Variants in SDK1 observed in about 807,000 individuals in gnomAD.
SDK1 encodes sidekick cell adhesion molecule 1, also known as protein sidekick-1.
In SDK1, 157 loss-of-function variants were observed where a neutral mutation model predicts 245.5. The ratio of observed to expected loss-of-function variants is 0.64; its 90% CI spans 0.56 to 0.73. The LOEUF is 0.73. SDK1 is among the 30% of genes least tolerant of loss of function. SDK1 has a pLI of 0.00. For missense variants in SDK1, 3,583 were observed against 3,002.3 expected (o/e 1.19, Z -4.52); for synonymous variants, 1,647 against 1,278.5 (o/e 1.29, Z -6.15).
chr7:3,879,569 C>T (rs1781156117), intron 5 of SDK1, among the ~76,000 whole-genome samples: 1 of 152,234 alleles, frequency 6.6e-6, no homozygotes, highest in African/African-American at 2.4e-5. Flanking sequence ...GTACCGGCTC[C>T]TGGCAGCCAG....
chr7:3,644,686 T>C (rs1046418322), intron 4 of SDK1, among the ~76,000 whole-genome samples: 2 of 145,182 alleles, frequency 1.4e-5, no homozygotes, highest in African/African-American at 5.2e-5. Context: ...GGTAGGAAGA[T>C]AGCTTGAGGC....
chr7:3,626,143 T>C (rs1782114723), intron 2 of SDK1, among the ~76,000 whole-genome samples: 1 of 151,900 alleles, frequency 6.6e-6, no homozygotes, highest in African/African-American at 2.4e-5. Flanking sequence ...TCTTGCTATG[T>C]TGCCCAGCCT....
intron 9 of SDK1, among the ~76,000 whole-genome samples, chr7:3,965,176 A>G (rs974219130): frequency 6.6e-6 from 1 of 152,178 alleles, no homozygotes; most frequent in Non-Finnish European, 1.5e-5. Context: ...CTGTGTTCCA[A>G]TAAAACTTTA....
chr7:4,176,449 G>A (rs1347508076), intron 34 of SDK1, among the ~76,000 whole-genome samples: 7 of 152,170 alleles, frequency 4.6e-5, no homozygotes, highest in African/African-American at 1.2e-4. Flanking sequence ...GGCTATAGGC[G>A]TGAGCCACTG....
chr7:3,588,873 T>A (rs1042109254), intron 1 of SDK1, among the ~76,000 whole-genome samples: 5 of 152,202 alleles, frequency 3.3e-5, no homozygotes, highest in African/African-American at 1.2e-4. Flanking sequence ...TCTGCTTTCC[T>A]TTCTCTTCAT....
chr7:4,019,043 G>A (rs548310107), intron 17 of SDK1, among the ~76,000 whole-genome samples: 20 of 152,260 alleles, frequency 1.3e-4, no homozygotes, highest in Admixed American at 1.0e-3. Context: ...GAAAACGAAT[G>A]CAGTTTCGGC....
At chr7:3,984,133 T>A (rs2128138057) in intron 13 of SDK1, among the ~76,000 whole-genome samples, 1 of 152,326 alleles carries the variant, frequency 6.6e-6, no homozygotes, top group South Asian at 2.1e-4. Flanking sequence ...TTGCTTGTGG[T>A]CTGCTGGCAG....
intron 5 of SDK1, among the ~76,000 whole-genome samples, chr7:3,917,748 T>A (rs1160803562): frequency 2.0e-5 from 3 of 152,156 alleles, no homozygotes; most frequent in Non-Finnish European, 2.9e-5. Flanking sequence ...TTCCTAGACA[T>A]GAATTTCATT....
chr7:3,653,219 G>A (rs1197331987), intron 4 of SDK1, among the ~76,000 whole-genome samples: 2 of 152,152 alleles, frequency 1.3e-5, no homozygotes, highest in Non-Finnish European at 2.9e-5. Context: ...ACATAGCTTC[G>A]TGCAGCCTCT....
rs187386939 is a variant in SDK1, at chr7:3,885,502, C to T, written c.847+63919C>T. Among the ~76,000 whole-genome samples, 72 of 152,260 alleles carry T rather than the reference C, an allele frequency of 4.7e-4. 1 individual carries two copies. Among genetic ancestry groups the T allele is most frequent in the Non-Finnish European group, 7.9e-4 (54 of 68,030 alleles). On this transcript the variant is annotated intron_variant, in intron 5 of 44. Transcript: ENST00000404826. ...GGTACACGTGTCACTTACTAAGAACCCACCATGGCTTTGTCCTATCAAGTC... is the reference window on the plus strand; with the variant it reads ...GGTACACGTGTCACTTACTAAGAACTCACCATGGCTTTGTCCTATCAAGTC...
At chr7:3,475,448 T>C (rs1366636567) in intron 1 of SDK1, among the ~76,000 whole-genome samples, 3 of 152,232 alleles carry the variant, frequency 2.0e-5, no homozygotes, top group Non-Finnish European at 4.4e-5. Flanking sequence ...GGAGCACGTC[T>C]CTCTCACTTG....
intron 5 of SDK1, among the ~76,000 whole-genome samples, chr7:3,910,559 A>G (rs1178566936): frequency 6.6e-6 from 1 of 152,134 alleles, no homozygotes; most frequent in Non-Finnish European, 1.5e-5. Context: ...CGGCGCTACC[A>G]TCCTAGTCTG....
intron 2 of SDK1, among the ~76,000 whole-genome samples, chr7:3,638,170 C>G (rs1459494392): frequency 6.6e-6 from 1 of 152,150 alleles, no homozygotes; most frequent in East Asian, 1.9e-4. Flanking sequence ...ATGAATAAGA[C>G]AGAAGTAGAT....
intron 13 of SDK1, among the ~76,000 whole-genome samples, chr7:3,981,085 A>C (rs1218271200): frequency 6.6e-6 from 1 of 152,176 alleles, no homozygotes; most frequent in African/African-American, 2.4e-5. Flanking sequence ...AAGTAAGTCT[A>C]TTGATGCAAT....
chr7:3,577,132 C>G (rs572929070), intron 1 of SDK1, among the ~76,000 whole-genome samples: 1 of 152,040 alleles, frequency 6.6e-6, no homozygotes. Context: ...CCTCTGGGCC[C>G]CATTCTAAAT....
At chr7:3,733,779 C>G (rs964857024) in intron 4 of SDK1, among the ~76,000 whole-genome samples, 2 of 152,164 alleles carry the variant, frequency 1.3e-5, no homozygotes, top group East Asian at 1.9e-4. Flanking sequence ...TGTTGCTTCA[C>G]GGCCCTTCCC....
intron 1 of SDK1, among the ~76,000 whole-genome samples, chr7:3,525,963 G>T (rs150612668): frequency 5.9e-5 from 9 of 152,254 alleles, no homozygotes; most frequent in Non-Finnish European, 1.0e-4. Flanking sequence ...GCCAGGCGCC[G>T]TGGCTCACAC....
intron 1 of SDK1, among the ~76,000 whole-genome samples, chr7:3,613,005 G>A (rs1781651169): frequency 6.6e-6 from 1 of 152,058 alleles, no homozygotes; most frequent in Admixed American, 6.6e-5. Flanking sequence ...GGAGAAAAGG[G>A]CAAATTATCA....
At chr7:3,906,617 CTTTTTTTTTTTTTT>C (rs71032914) in intron 5 of SDK1, among the ~76,000 whole-genome samples, 3 of 57,192 alleles carry the variant, frequency 5.2e-5, no homozygotes, top group Non-Finnish European at 9.4e-5. Flanking sequence ...ATTTCAGTGT[CTTTTTTTTTTTTTT>C]TTTTTTTTTT....
Sources: gnomAD v4.1 joint callset for allele counts (sites outside exome capture counted in the v4.1 genomes callset) on GRCh38, gnomAD v4.1.1 for gene constraint, MANE v1.5 for transcripts, NCBI Gene and HGNC (gene_info 2026-07-23, HGNC 2026-07-21) for gene names.